Variants in UTS2 observed in about 807,000 individuals in gnomAD.
UTS2 encodes urotensin-2.
Under a neutral mutation model 12.6 loss-of-function variants are expected in UTS2, and 10 were observed. That is an observed-to-expected ratio of 0.80 (90% confidence interval 0.49 to 1.35). The LOEUF is 1.35. Ranked by LOEUF, UTS2 falls within the 40% of genes most tolerant of loss-of-function variation. The pLI, the probability that UTS2 is intolerant of heterozygous loss-of-function variation, is 0.00. For missense variants in UTS2, 142 were observed against 143.2 expected (o/e 0.99, Z 0.04); for synonymous variants, 52 against 50.0 (o/e 1.04, Z -0.17).
At chr1:7,888,656 G>A in the UTS2 span, among the ~76,000 whole-genome samples, 1 of 152,176 alleles carries the variant, frequency 6.6e-6, no homozygotes, top group Non-Finnish European at 1.5e-5. Context: ...AAAATTCTGT[G>A]CTCCTACTTC....
chr1:7,857,100 A>AAAGGAAGGAAGGAAGGAAGG (rs754358229), upstream of UTS2, among the ~76,000 whole-genome samples: 9,263 of 64,136 alleles, frequency 0.14, 871 homozygotes, highest in Middle Eastern at 0.18. Flanking sequence ...GGAAGGAAGA[A>AAAGGAAGGAAGGAAGGAAGG]AAGGAATGAA....
the UTS2 span, among the ~76,000 whole-genome samples, chr1:7,906,916 C>G: frequency 1.3e-5 from 2 of 152,034 alleles, no homozygotes; most frequent in Non-Finnish European, 2.9e-5. Context: ...GAGACACATA[C>G]GATCATTATT....
chr1:7,848,026 A>G (rs2097409653), intron 3 of UTS2, 144 bp from the exon 4 acceptor site: 1 of 647,872 alleles, frequency 1.5e-6, no homozygotes, highest in Admixed American at 2.9e-5. Flanking sequence ...CTATAATTGT[A>G]ACAAGAGTGT....
At chr1:7,863,935 G>T in the UTS2 span, among the ~76,000 whole-genome samples, 72 of 152,354 alleles carry the variant, frequency 4.7e-4, no homozygotes, top group Non-Finnish European at 8.5e-4. Flanking sequence ...TGACAGCGGG[G>T]CCTCCCTCTC....
the UTS2 span, among the ~76,000 whole-genome samples, chr1:7,881,739 T>A: frequency 3.9e-5 from 6 of 152,098 alleles, no homozygotes; most frequent in African/African-American, 1.4e-4. Context: ...GCAATCCCTA[T>A]CAAAATGCAA....
At chr1:7,873,231 T>C in the UTS2 span, among the ~76,000 whole-genome samples, 1 of 152,380 alleles carries the variant, frequency 6.6e-6, no homozygotes, top group Middle Eastern at 3.4e-3. Context: ...GAGATGACTG[T>C]TGTTTTCATG....
upstream of UTS2, among the ~76,000 whole-genome samples, chr1:7,857,141 A>AAGGAAGGAAGGAAGGT (rs1393133455): frequency 3.3e-5 from 5 of 151,656 alleles, no homozygotes; most frequent in Non-Finnish European, 7.4e-5. Context: ...GGAAGGAAGG[A>AAGGAAGGAAGGAAGGT]AGGTGAAGCA....
chr1:7,875,355 T>G, the UTS2 span, among the ~76,000 whole-genome samples: 735 of 152,316 alleles, frequency 4.8e-3, 6 homozygotes, highest in Non-Finnish European at 7.6e-3. Flanking sequence ...ATTACAGGCG[T>G]GAGTCACGGC....
chr1:7,890,970 C>CCCCT, the UTS2 span, among the ~76,000 whole-genome samples: 2 of 150,780 alleles, frequency 1.3e-5, no homozygotes, highest in Non-Finnish European at 3.0e-5. Context: ...ACCCTCCACC[C>CCCCT]CCCCCCACAA....
At chr1:7,886,699 C>T in the UTS2 span, among the ~76,000 whole-genome samples, 33 of 152,212 alleles carry the variant, frequency 2.2e-4, no homozygotes, top group African/African-American at 7.7e-4. Context: ...TTGGCACCGC[C>T]ATTACATTAC....
At chr1:7,903,175 C>CCTTTTTTTAAT in the UTS2 span, among the ~76,000 whole-genome samples, 1 of 12,508 alleles carries the variant, frequency 8.0e-5, no homozygotes, top group Admixed American at 1.2e-3. Context: ...TCCCCTCCTT[C>CCTTTTTTTAAT]TCCTGCTTCC....
At chr1:7,894,588 G>A in the UTS2 span, among the ~76,000 whole-genome samples, 11 of 152,150 alleles carry the variant, frequency 7.2e-5, no homozygotes, top group South Asian at 4.2e-4. Context: ...CCAACCCCCC[G>A]GCCCTGCCCT....
the UTS2 span, among the ~76,000 whole-genome samples, chr1:7,869,388 G>A: frequency 1.3e-5 from 2 of 152,190 alleles, no homozygotes; most frequent in African/African-American, 4.8e-5. Context: ...TGTGAGGTTG[G>A]ACCACATGGC....
chr1:7,862,912 T>C, the UTS2 span, among the ~76,000 whole-genome samples: 1 of 152,144 alleles, frequency 6.6e-6, no homozygotes, highest in Non-Finnish European at 1.5e-5. Flanking sequence ...GTTCACCTCC[T>C]TTTAGTCTCT....
chr1:7,885,873 G>A, the UTS2 span, among the ~76,000 whole-genome samples: 4 of 135,506 alleles, frequency 3.0e-5, no homozygotes, highest in African/African-American at 1.1e-4. Context: ...GGGGCTTATC[G>A]GGCCAGAGGC....
At chr1:7,894,890 C>A in the UTS2 span, among the ~76,000 whole-genome samples, 2 of 152,072 alleles carry the variant, frequency 1.3e-5, no homozygotes, top group Non-Finnish European at 2.9e-5. Context: ...CTGATCACAC[C>A]ACCGCATTCC....
At chr1:7,873,163 A>G in the UTS2 span, among the ~76,000 whole-genome samples, 2 of 152,238 alleles carry the variant, frequency 1.3e-5, no homozygotes, top group Non-Finnish European at 2.9e-5. Flanking sequence ...TCTTCAAAAT[A>G]TTATTGCTCG....
At chr1:7,902,449 C>T in the UTS2 span, among the ~76,000 whole-genome samples, 1 of 152,146 alleles carries the variant, frequency 6.6e-6, no homozygotes, top group Admixed American at 6.5e-5. Flanking sequence ...TAAAGATGGC[C>T]TGGGTCGTCA....
At chr1:7,862,976 ATTTAT>A in the UTS2 span, among the ~76,000 whole-genome samples, 1,614 of 131,310 alleles carry the variant, frequency 0.012, 61 homozygotes, top group Middle Eastern at 0.028. Flanking sequence ...GACGGCCGTT[ATTTAT>A]TGTGTTGTGT....
Sources: gnomAD v4.1 joint callset for allele counts (sites outside exome capture counted in the v4.1 genomes callset) on GRCh38, gnomAD v4.1.1 for gene constraint, MANE v1.5 for transcripts, NCBI Gene and HGNC (gene_info 2026-07-23, HGNC 2026-07-21) for gene names.